SSNA1: variants seen among roughly 807,000 people sequenced by gnomAD.
SSNA1 encodes SS nuclear autoantigen 1, also known as microtubule nucleation factor SSNA1.
In SSNA1, 13 loss-of-function variants were observed where a neutral mutation model predicts 13.3. The observed-to-expected ratio is 0.97, with a 90% confidence interval of 0.63 to 1.55. The LOEUF (loss-of-function observed/expected upper bound fraction) is 1.55. SSNA1 is among the 40% of genes most tolerant of loss of function. The pLI is 0.00. For missense variants in SSNA1, 186 were observed against 152.7 expected (o/e 1.22, Z -1.15); for synonymous variants, 89 against 65.9 (o/e 1.35, Z -1.70).
chr9:137,188,775 A>T lies in SSNA1; in HGVS notation c.49A>T (p.Lys17Ter). The change falls in exon 1 of 3, where the codon AAG becomes TAG. Residue 17 changes from lysine (K) to a stop codon, truncating the protein, a stop_gained. Transcript: ENST00000322310. LOFTEE classifies it high-confidence loss of function. ...GCAGAACTACAACAACGAGCTGGTC[A>T]AGTGTGAGCGGCGCAGCCGGGACGG... ...ALQNYNNELV[K>*]CIEELCQKRE... 6 of 1,578,104 alleles carry T rather than the reference A, an allele frequency of 3.8e-6. No homozygotes were observed. Among genetic ancestry groups the T allele is most frequent in the Non-Finnish European group, 5.1e-6 (6 of 1,169,940 alleles).
Sources: allele counts gnomAD v4.1 joint callset, GRCh38; gene constraint gnomAD v4.1.1; transcripts MANE v1.5; gene names NCBI Gene and HGNC (gene_info 2026-07-23, HGNC 2026-07-21).